Variants in OAT observed in about 807,000 individuals in gnomAD.
OAT encodes ornithine aminotransferase, also known as ornithine aminotransferase, mitochondrial.
In OAT, 35 loss-of-function variants were observed where a neutral mutation model predicts 48.4. The ratio of observed to expected loss-of-function variants is 0.72; its 90% CI spans 0.55 to 0.96. The LOEUF is 0.96. Among genes scored for constraint, OAT ranks in the 40% least tolerant of loss-of-function variants. The pLI is 0.00. For synonymous variants in OAT, 182 were observed against 198.4 expected, an observed-to-expected ratio of 0.92 and a Z score of 0.70; for missense variants, 438 against 537.9, an observed-to-expected ratio of 0.81 and a Z score of 1.84.
chr10:124,403,904 G>T lies in OAT; in HGVS notation c.665C>A (p.Pro222Gln). 6.2e-7 allele frequency: 1 copy of T among 1,614,012 alleles called. No homozygotes were observed. Among genetic ancestry groups the T allele is most frequent in the South Asian group, 1.1e-5 (1 of 91,074 alleles). The part of the protein sequence containing the change: ...LPALERALQD[P>Q]NVAAFMVEPI... ...TTCTACCATGAACGCAGCCACATTT[G>T]GATCCTGAAGAGCACGCTACAGAAG... Residue 222 changes from proline (P) to glutamine (Q), a missense_variant, in exon 6 of 10, where the codon CCA becomes CAA. Physicochemically the swap from Pro to Gln is moderately conservative, Grantham distance 76. Coordinates refer to ENST00000368845, the MANE Select transcript of OAT (RefSeq NM_000274.4).
rs899152384 is a variant in OAT at position 124,406,212 on chromosome 10, C to A, written c.521-649G>T. 11 of 762,148 alleles carry A rather than the reference C, an allele frequency of 1.4e-5. No homozygotes were observed. The Admixed American group carries it at 1.9e-4, about 13-fold the overall frequency. The allele number at this position is 762,148 out of a possible 1,614,324, so 47.2% of individuals were successfully genotyped here. ...TTGTTTTAGATGTTGGGGAATAGAC[C>A]AGGCACAGTGGCTCACTTATGTAAT... On this transcript the variant is annotated intron_variant, in intron 4 of 9. Coordinates refer to ENST00000368845, the MANE Select transcript of OAT (RefSeq NM_000274.4).
rs961709953 is a variant in OAT, at chr10:124,418,853, C to G, written c.-30+20G>C. 1.3e-5 allele frequency: 2 copies of G among 152,214 alleles called. No individual in the cohort carries two copies. Among genetic ancestry groups the G allele is most frequent in the African/African-American group, 4.8e-5 (2 of 41,460 alleles). The allele number at this position is 152,214 out of a possible 1,614,324, so 9.4% of individuals were successfully genotyped here. The stretch of plus-strand genomic sequence containing the variant: ...CAGGGCCCGAACCAGAGCCCCAGGA[C>G]AGCGGCGCCCAGACGGTACCTGACA... On this transcript the variant is annotated intron_variant, in intron 1 of 9. Coordinates refer to ENST00000368845, the MANE Select transcript of OAT (RefSeq NM_000274.4).
At chr10:124,410,861 C>T (rs560634967) in intron 2 of OAT, among the ~76,000 whole-genome samples, 3 of 151,838 alleles carry the variant, frequency 2.0e-5, no homozygotes, top group African/African-American at 4.8e-5. Flanking sequence ...TGTCATGTGG[C>T]GGGGCGCGGT....
chr10:124,405,627 C>T (rs895248118), intron 4 of OAT, 64 bp from the exon 5 acceptor site: 14 of 1,599,534 alleles, frequency 8.8e-6, no homozygotes, highest in Admixed American at 3.4e-5. Context: ...GCACTATCCC[C>T]GCAAAACACC....
intron 2 of OAT, among the ~76,000 whole-genome samples, chr10:124,411,147 AAAAAAAAAAAAAAAAAAG>A (rs1408557227): frequency 6.9e-6 from 1 of 144,080 alleles, no homozygotes; most frequent in Non-Finnish European, 1.5e-5. Flanking sequence ...CTCAAAAAAA[AAAAAAAAAAAAAAAAAAG>A]AAGAAGAGAT....
rs75952005 is a variant in OAT at position 124,415,074 on chromosome 10, TAAAAAAAAAAAAAAA to T, written c.-29-2889_-29-2875del. On this transcript the variant is annotated intron_variant, in intron 1 of 9. Coordinates refer to ENST00000368845, the MANE Select transcript of OAT (RefSeq NM_000274.4). Reference sequence around the variant, plus strand: ...CACTCCAGCCTGGGCTACAAAGCGCTAAAAAAAAAAAAAAAAAAAAAAAAAAAAAAAAAAAAAGGA... The same window carrying T: ...CACTCCAGCCTGGGCTACAAAGCGCTAAAAAAAAAAAAAAAAAAAAAAGGA... 15 of 16,858 alleles carry T rather than the reference TAAAAAAAAAAAAAAA, an allele frequency of 8.9e-4. 1 individual carries two copies. Among genetic ancestry groups the T allele is most frequent in the Middle Eastern group, 0.031 (1 of 32 alleles). The allele number at this position is 16,858 out of a possible 1,614,324, so 1.0% of individuals were successfully genotyped here. A position where few individuals can be genotyped will look rare whatever the true frequency, so the allele number is the denominator to read the frequency against.
At chr10:124,409,289 G>A (rs1353993617) in intron 2 of OAT, among the ~76,000 whole-genome samples, 1 of 152,210 alleles carries the variant, frequency 6.6e-6, no homozygotes, top group Non-Finnish European at 1.5e-5. Context: ...GTTAGGCAGG[G>A]AGCCGTGGCT....
Position 124,397,671 on chromosome 10 carries a change from TA to T in OAT, c.*270del. On this transcript the variant is annotated 3_prime_UTR_variant, in exon 10 of 10. Coordinates refer to ENST00000368845, the MANE Select transcript of OAT (RefSeq NM_000274.4). ...AAGGACTTGATTTAGAGGCTGTCTG[TA>T]TATAGATGCATTTCACCTTAGGAAG... 1 of 425,128 alleles carries T rather than the reference TA, an allele frequency of 2.4e-6. No individual in the cohort carries two copies. Among genetic ancestry groups the T allele is most frequent in the East Asian group, 4.9e-5 (1 of 20,392 alleles). The allele number at this position is 425,128 out of a possible 1,614,324, so 26.3% of individuals were successfully genotyped here.
At chr10:124,418,586 C>A (rs1341344714) in intron 1 of OAT, among the ~76,000 whole-genome samples, 1 of 151,976 alleles carries the variant, frequency 6.6e-6, no homozygotes. Flanking sequence ...CCGCTCTGGG[C>A]TGGAACCAGG....
intron 7 of OAT, among the ~76,000 whole-genome samples, chr10:124,402,160 A>C (rs990290677): frequency 6.6e-6 from 1 of 152,132 alleles, no homozygotes; most frequent in Non-Finnish European, 1.5e-5. Flanking sequence ...TCGGCCTCCC[A>C]AAGTGCTGGG....
intron 9 of OAT, among the ~76,000 whole-genome samples, chr10:124,398,656 A>G (rs1951306518): frequency 1.1e-5 from 1 of 91,626 alleles, no homozygotes; most frequent in African/African-American, 5.6e-5. Context: ...AAAAAGACCA[A>G]GCCAAAAAAA....
chr10:124,403,982 A>C (rs953135009), intron 5 of OAT, 62 bp from the exon 6 acceptor site: 2 of 1,589,798 alleles, frequency 1.3e-6, no homozygotes, highest in African/African-American at 1.3e-5. Context: ...GAAATCTGAA[A>C]GCATATACCA....
Position 124,408,832 on chromosome 10 carries a change from T to C in OAT, c.333A>G (p.Thr111=), listed in dbSNP as rs1951676079. ...GTACGTTATTATAGAAAGCTCTAGA[T>C]GTTAAGGTCAATTTGTCCACTTGAC... ...LKSQVDKLTL[T]SRAFYNNVLG... Residue 111 remains threonine, a synonymous_variant, in exon 3 of 10, where the codon ACA becomes ACG. Transcript: ENST00000368845. 6.2e-7 allele frequency: 1 copy of C among 1,612,842 alleles called. No individual in the cohort carries two copies. The highest frequency in any genetic ancestry group is 8.5e-7 in the Non-Finnish European group (1 of 1,179,888).
At chr10:124,416,770 G>A (rs571670191) in intron 1 of OAT, among the ~76,000 whole-genome samples, 1 of 151,542 alleles carries the variant, frequency 6.6e-6, no homozygotes, top group African/African-American at 2.4e-5. Context: ...TTGTCCAAAA[G>A]CCACTTAAAA....
rs2134478994 is a variant in OAT at position 124,408,955 on chromosome 10, T to C, written c.210A>G (p.Leu70=). 1 of 1,611,000 alleles carries C rather than the reference T, an allele frequency of 6.2e-7. No individual in the cohort carries two copies. The change falls in exon 3 of 10, where the codon TTA becomes TTG. Residue 70 remains leucine, a synonymous_variant. Coordinates refer to ENST00000368845, the MANE Select transcript of OAT (RefSeq NM_000274.4). ...AATATTTTCTGCCTTCTACATCCCA[T>C]AAGTAAATACCTAAAATACATAAGA... ...VALERGKGIY[L]WDVEGRKYFD...
chr10:124,410,190 T>G (rs1250101156), intron 2 of OAT, among the ~76,000 whole-genome samples: 2 of 152,224 alleles, frequency 1.3e-5, no homozygotes, highest in African/African-American at 4.8e-5. Context: ...ATTTGGCAAC[T>G]ACCACCGTAA....
At chr10:124,408,708 G>T in intron 3 of OAT, 33 bp downstream of exon 3, 1 of 1,575,914 alleles carries the variant, frequency 6.3e-7, no homozygotes. Context: ...GATTATTTTT[G>T]AGGGTATTTA....
chr10:124,413,826 C>A (rs369587027), intron 1 of OAT, among the ~76,000 whole-genome samples: 6 of 152,138 alleles, frequency 3.9e-5, no homozygotes, highest in African/African-American at 1.4e-4. Flanking sequence ...TTTACCCTGC[C>A]GCCCCATCAC....
At chr10:124,402,825 A>G (rs1564730430) in intron 7 of OAT, 102 bp downstream of exon 7, 1 of 1,508,290 alleles carries the variant, frequency 6.6e-7, no homozygotes, top group Non-Finnish European at 9.1e-7. Context: ...GTAAAATCAA[A>G]CAATCTGAAA....
Sources: gnomAD v4.1 joint callset for allele counts (sites outside exome capture counted in the v4.1 genomes callset) on GRCh38, gnomAD v4.1.1 for gene constraint, MANE v1.5 for transcripts, NCBI Gene and HGNC (gene_info 2026-07-23, HGNC 2026-07-21) for gene names.